The following ST7 variants were observed in gnomAD, a reference collection of about 807,000 sequenced individuals.
The protein encoded by ST7 is suppression of tumorigenicity 7.
In ST7, 28 loss-of-function variants were observed where a neutral mutation model predicts 78.7. The observed-to-expected ratio is 0.36, with a 90% CI of 0.26 to 0.49. The LOEUF (loss-of-function observed/expected upper bound fraction) is 0.49, where lower values mean the gene tolerates loss of function less well. Ranked by LOEUF, ST7 falls within the 20% of genes least tolerant of loss-of-function variation. The probability of loss-of-function intolerance (pLI) is 0.99; values close to 1 mark genes in which losing one functional copy is unlikely to be tolerated. For missense variants in ST7, 418 were observed against 696.0 expected, an observed-to-expected ratio of 0.60 and a Z score of 4.49; for synonymous variants, 247 against 249.6, an observed-to-expected ratio of 0.99 and a Z score of 0.10.
At chr7:117,088,239 A>G (rs1053415007) in intron 1 of ST7, among the ~76,000 whole-genome samples, 1 of 151,980 alleles carries the variant, frequency 6.6e-6, no homozygotes, top group Non-Finnish European at 1.5e-5. Context: ...TCTAGATTTT[A>G]TCTGTACTTC....
Position 117,089,615 on chromosome 7 carries a change from AGGCT to A in ST7, c.152-10144_152-10141del, listed in dbSNP as rs1800437933. 2.1e-5 allele frequency among the ~76,000 whole-genome samples: 3 copies of A among 143,500 alleles called. No homozygotes were observed. In the South Asian group the frequency reaches 6.6e-4, roughly 32 times the overall value. 94.1% of individuals were successfully genotyped at this position (143,500 alleles called of 152,430 possible). ...GAGATGGAATCTCGCTCTGTCGCCC[AGGCT>A]GGAGTGCAATGGCGCGATCTCGGCT... is the stretch of plus-strand genomic sequence containing the variant. On this transcript the variant is annotated intron_variant, in intron 1 of 15. Transcript: ENST00000323984.
At chr7:116,996,424 G>T (rs1422458721) in intron 1 of ST7, among the ~76,000 whole-genome samples, 3 of 152,154 alleles carry the variant, frequency 2.0e-5, no homozygotes, top group African/African-American at 7.2e-5. Flanking sequence ...AAATGTGTGG[G>T]AATGCACTCT....
At chr7:117,193,055 G>A (rs1471380052) in intron 12 of ST7, among the ~76,000 whole-genome samples, 1 of 152,042 alleles carries the variant, frequency 6.6e-6, no homozygotes, top group Non-Finnish European at 1.5e-5. Context: ...CGTGGGGAAC[G>A]GGTCCTGGGA....
At chr7:117,012,715 A>AAG (rs1433292014) in intron 1 of ST7, among the ~76,000 whole-genome samples, 1 of 152,092 alleles carries the variant, frequency 6.6e-6, no homozygotes, top group Non-Finnish European at 1.5e-5. Context: ...TCTATCTAGT[A>AAG]TGTAAGTAAA....
intron 1 of ST7, among the ~76,000 whole-genome samples, chr7:116,960,606 A>G (rs901348586): frequency 7.9e-5 from 12 of 152,206 alleles, no homozygotes; most frequent in African/African-American, 2.4e-4. Context: ...CTACTGTGTC[A>G]TTGCTCACAG....
At chr7:117,205,700 T>C (rs1791687730) in intron 12 of ST7, among the ~76,000 whole-genome samples, 1 of 152,180 alleles carries the variant, frequency 6.6e-6, no homozygotes. Flanking sequence ...AGACCACAGC[T>C]CTCTGCTTCT....
At chr7:117,096,067 C>CAAAAAAAA (rs35970973) in intron 1 of ST7, among the ~76,000 whole-genome samples, 22 of 35,712 alleles carry the variant, frequency 6.2e-4, no homozygotes, top group Non-Finnish European at 6.9e-4. Flanking sequence ...GATTCTGCCT[C>CAAAAAAAA]AAAAAAAAAA....
In ST7 at chr7:117,056,652, T is replaced by C. The variant is rs1340137337; in HGVS notation, c.152-43110T>C. On this transcript the variant is annotated intron_variant, in intron 1 of 15. Transcript: ENST00000323984. ...TCCGTCTCAAAAATAAAAATAAAAA[T>C]AAATTAAAAAAAATAAAGAAGATAA... Among the ~76,000 whole-genome samples, 3 of 151,140 alleles carry C rather than the reference T, an allele frequency of 2.0e-5. No homozygotes were observed. In the East Asian group the frequency reaches 5.8e-4, roughly 29 times the overall value.
chr7:116,998,041 C>T lies in ST7; in HGVS notation c.151+44350C>T, dbSNP rs575779796. On this transcript the variant is annotated intron_variant, in intron 1 of 15. Transcript: ENST00000323984. Reference sequence around the variant, plus strand: ...GTCGATGGGACCAGGTGCCGTGGAGCGGGGCGCGGTGCTTGTCGGGGATGC... The same window carrying T: ...GTCGATGGGACCAGGTGCCGTGGAGTGGGGCGCGGTGCTTGTCGGGGATGC... Among the ~76,000 whole-genome samples the T allele has an allele frequency of 9.2e-4, 140 of 152,306 alleles. 1 individual carries two copies. The highest frequency in any genetic ancestry group is 2.5e-3 in the East Asian group (13 of 5,172).
intron 1 of ST7, among the ~76,000 whole-genome samples, chr7:117,036,161 C>T (rs1311996595): frequency 2.0e-5 from 3 of 152,126 alleles, no homozygotes; most frequent in Non-Finnish European, 4.4e-5. Context: ...AAGCTTACTC[C>T]GCATATTAAG....
chr7:117,132,265 G>A (rs1804422293), intron 6 of ST7, among the ~76,000 whole-genome samples: 2 of 151,692 alleles, frequency 1.3e-5, no homozygotes, highest in African/African-American at 4.8e-5. Flanking sequence ...AAAACATTCT[G>A]ACAGGGAAAA....
In ST7 at chr7:117,014,814, A is replaced by C. The variant is rs371629518; in HGVS notation, c.151+61123A>C. On this transcript the variant is annotated intron_variant, in intron 1 of 15. Coordinates refer to ENST00000323984, the MANE Select transcript of ST7 (RefSeq NM_001369598.1). ...AGACATTTCTAAGGACGACTTTAAA[A>C]GACCAGGCAAAGGAGAGCAGAGCCC... is the stretch of plus-strand genomic sequence containing the variant. The C allele has an allele frequency of 3.9e-5, 15 of 387,126 alleles. No homozygotes were observed. In the South Asian group the frequency reaches 1.9e-3, roughly 48 times the overall value. 24.0% of individuals were successfully genotyped at this position (387,126 alleles called of 1,614,324 possible).
intron 3 of ST7, among the ~76,000 whole-genome samples, chr7:117,122,964 A>T (rs1278993930): frequency 6.6e-6 from 1 of 152,204 alleles, no homozygotes; most frequent in African/African-American, 2.4e-5. Flanking sequence ...GCTGAGGGTT[A>T]TCAGTGTATT....
At position 117,189,075 on chromosome 7, in the gene ST7, A is replaced by T. The variant is rs1809542964; in HGVS notation, c.1079-246A>T. ...TATGAAAATTCATATTTTAAAATAGAAGGTGATTGCTTAAGAGTCAGCCTG... is the reference window on the plus strand; with the variant it reads ...TATGAAAATTCATATTTTAAAATAGTAGGTGATTGCTTAAGAGTCAGCCTG... On this transcript the variant is annotated intron_variant, in intron 10 of 15. Transcript: ENST00000323984. Among the ~76,000 whole-genome samples the T allele has an allele frequency of 2.6e-5, 4 of 152,348 alleles. No homozygotes were observed. The South Asian group carries it at 8.3e-4, about 32-fold the overall frequency.
At chr7:117,098,595 T>C (rs1801308461) in intron 1 of ST7, 1 of 283,568 alleles carries the variant, frequency 3.5e-6, no homozygotes, top group East Asian at 1.1e-4. Context: ...TTTTACCCAT[T>C]GTCTCATTCA....
chr7:117,158,514 A>G (rs1443037968), intron 9 of ST7, among the ~76,000 whole-genome samples: 1 of 152,242 alleles, frequency 6.6e-6, no homozygotes, highest in Non-Finnish European at 1.5e-5. Context: ...TGATGGATGC[A>G]TTTACTTAAT....
chr7:116,961,597 G>C (rs922958574), intron 1 of ST7, among the ~76,000 whole-genome samples: 7 of 134,052 alleles, frequency 5.2e-5, no homozygotes, highest in Non-Finnish European at 1.1e-4. Flanking sequence ...TGTGTGTGGT[G>C]GGGGGCAATT....
Position 117,219,066 on chromosome 7 carries a change from AT to A in ST7, c.1406-12del, listed in dbSNP as rs747242871. ...CACAAACATTGGACATCTCTGACATATTTTTTCTCGTTTTCAGCTTTTCGGA... is the reference window on the plus strand; with the variant it reads ...CACAAACATTGGACATCTCTGACATATTTTTCTCGTTTTCAGCTTTTCGGA... On this transcript the variant is annotated splice_polypyrimidine_tract_variant and intron_variant, in intron 13 of 15. Coordinates refer to ENST00000323984, the MANE Select transcript of ST7 (RefSeq NM_001369598.1). The surrounding 1 kb of genome is among the most constrained non-coding windows in gnomAD (Gnocchi z 5.1). 14 of 1,598,718 alleles carry A rather than the reference AT, an allele frequency of 8.8e-6. No individual in the cohort carries two copies. The African/African-American group carries it at 1.1e-4, about 12-fold the overall frequency.
At chr7:117,194,574 A>G (rs1810109602) in intron 12 of ST7, among the ~76,000 whole-genome samples, 1 of 152,240 alleles carries the variant, frequency 6.6e-6, no homozygotes, top group Non-Finnish European at 1.5e-5. Flanking sequence ...TGAGAACAAA[A>G]GAAGACAAAG....
Sources: gnomAD v4.1 joint callset for allele counts (sites outside exome capture counted in the v4.1 genomes callset) on GRCh38, gnomAD v4.1.1 for gene constraint, Gnocchi (gnomAD v3.1) non-coding constraint, MANE v1.5 for transcripts, NCBI Gene and HGNC (gene_info 2026-07-23, HGNC 2026-07-21) for gene names.